Variants in FAM217A observed in about 807,000 individuals in gnomAD.
FAM217A encodes the protein protein FAM217A.
In FAM217A, 13 loss-of-function variants were observed where a neutral mutation model predicts 18.5. That is an observed-to-expected ratio of 0.70 (90% CI 0.46 to 1.12). The LOEUF (loss-of-function observed/expected upper bound fraction) is 1.12, where lower values mean the gene tolerates loss of function less well. Ranked by LOEUF, FAM217A falls within the 50% of genes most tolerant of loss-of-function variation. FAM217A has a pLI of 0.00. For synonymous variants in FAM217A, 161 were observed against 202.8 expected (o/e 0.79, Z 1.75); for missense variants, 560 against 575.4 (o/e 0.97, Z 0.27).
intron 6 of FAM217A, among the ~76,000 whole-genome samples, chr6:4,072,644 C>T (rs185888163): frequency 6.6e-6 from 1 of 152,030 alleles, no homozygotes; most frequent in East Asian, 2.0e-4. Context: ...TGCCTGTAAA[C>T]CCAGTTACTC....
intron 4 of FAM217A, 25 bp downstream of exon 4, chr6:4,074,418 C>G: frequency 6.4e-7 from 1 of 1,563,100 alleles, no homozygotes; most frequent in East Asian, 2.2e-5. Context: ...TTATGAATAC[C>G]TTAAAACCAA....
At chr6:4,085,887 A>T (rs1436659431) in intron 1 of FAM217A, among the ~76,000 whole-genome samples, 21 of 151,200 alleles carry the variant, frequency 1.4e-4, no homozygotes, top group Non-Finnish European at 1.5e-5. Flanking sequence ...AGGCAAGAGG[A>T]TTGCTTGAGG....
chr6:4,073,248 G>A, intron 6 of FAM217A, 27 bp downstream of exon 6: 3 of 1,495,144 alleles, frequency 2.0e-6, no homozygotes, highest in Non-Finnish European at 2.7e-6. Flanking sequence ...AGTAATTTAG[G>A]GTGTTACAAA....
rs1769267851 is a variant in FAM217A at position 4,069,644 on chromosome 6, G to A, written c.579C>T (p.Ser193=). The change falls in exon 7 of 7, where the codon AGC becomes AGT. Residue 193 remains serine, a synonymous_variant. Transcript: ENST00000274673. ...CATCTGTGAAATTTTCTTCCACACTGCTGTTTCCATGTTTCAAATTCCAAT... is the reference window on the plus strand; with the variant it reads ...CATCTGTGAAATTTTCTTCCACACTACTGTTTCCATGTTTCAAATTCCAAT... ...APNWNLKHGN[S]SVEENFTDES... is the part of the protein sequence containing the mutation. 3.7e-6 allele frequency: 6 copies of A among 1,613,934 alleles called. No individual in the cohort carries two copies. In the South Asian group the frequency reaches 6.6e-5, roughly 18 times the overall value.
Position 4,069,242 on chromosome 6 carries a change from T to TG in FAM217A, c.980dup (p.Pro328ThrfsTer21), listed in dbSNP as rs779578340. On this transcript the variant is annotated frameshift_variant, in exon 7 of 7. Transcript: ENST00000274673. LOFTEE classifies it low-confidence loss of function (END_TRUNC). ...AAAGTTTTGGCTGTCTCACTTTTGG[T>TG]GTAGCTTTGGAGGAAGAGGGTCGTT... The TG allele has an allele frequency of 1.2e-6, 2 of 1,614,150 alleles. No individual in the cohort carries two copies. Among genetic ancestry groups the TG allele is most frequent in the African/African-American group, 2.7e-5 (2 of 75,044 alleles).
chr6:4,080,702 A>G (rs1770231187), upstream of FAM217A, among the ~76,000 whole-genome samples: 1 of 152,178 alleles, frequency 6.6e-6, no homozygotes, highest in African/African-American at 2.4e-5. Flanking sequence ...TCACCTTCCC[A>G]GCGCCCACTA....
At chr6:4,079,143 G>A (rs1770080415), upstream of FAM217A, 1 of 339,506 alleles carries the variant, frequency 2.9e-6, no homozygotes, top group East Asian at 4.6e-5. Flanking sequence ...CCACCGGCCG[G>A]GTCTCCCGGC....
chr6:4,078,847 C>A lies in FAM217A; in HGVS notation c.-35+5G>T, dbSNP rs1193013112. ...GATTCCCCGGGGCCGGGGCTCTCAACCCACCGCGCGAAGGCCCACGTGTCC... is the reference window on the plus strand; with the variant it reads ...GATTCCCCGGGGCCGGGGCTCTCAAACCACCGCGCGAAGGCCCACGTGTCC... On this transcript the variant is annotated splice_donor_5th_base_variant and intron_variant, in intron 1 of 6. Coordinates refer to ENST00000274673, the MANE Select transcript of FAM217A (RefSeq NM_173563.3). 1.1e-5 allele frequency: 5 copies of A among 464,746 alleles called. No homozygotes were observed. The highest frequency in any genetic ancestry group is 1.9e-5 in the Non-Finnish European group (5 of 260,392). The allele number at this position is 464,746 out of a possible 1,614,324, so 28.8% of individuals were successfully genotyped here. A position where few individuals can be genotyped will look rare whatever the true frequency, so the allele number is the denominator to read the frequency against.
At chr6:4,077,204 C>G in intron 2 of FAM217A, 151 bp downstream of exon 2, 1 of 640,548 alleles carries the variant, frequency 1.6e-6, no homozygotes, top group Admixed American at 2.8e-5. Context: ...TTTCCATTTG[C>G]TGTTCCAAAT....
At chr6:4,087,330 C>G (rs1052951129), upstream of FAM217A, 93 of 1,233,000 alleles carry the variant, frequency 7.5e-5, 1 homozygote, top group African/African-American at 1.3e-3. Flanking sequence ...GGCTGGTTTT[C>G]TCTGCTTTGA....
intron 1 of FAM217A, among the ~76,000 whole-genome samples, chr6:4,085,896 G>A (rs1304245293): frequency 6.6e-6 from 1 of 152,080 alleles, no homozygotes; most frequent in Non-Finnish European, 1.5e-5. Flanking sequence ...GATTGCTTGA[G>A]GTCAGGAGTT....
upstream of FAM217A, among the ~76,000 whole-genome samples, chr6:4,082,141 G>T (rs79261675): frequency 4.7e-3 from 723 of 152,264 alleles, 6 homozygotes; most frequent in Admixed American, 8.7e-3. Context: ...CGGCTGTGGA[G>T]ATGTGAAATA....
At position 4,077,380 on chromosome 6, in the gene FAM217A, A is replaced by C. The variant is rs112866331; in HGVS notation, c.35T>G (p.Leu12Arg). The change falls in exon 2 of 7, where the codon CTA becomes CGA. Residue 12 changes from leucine to arginine, a missense_variant. Coordinates refer to ENST00000274673, the MANE Select transcript of FAM217A (RefSeq NM_173563.3). ...GRRNENCANSLRVSNISQENL... is the reference protein window; with the variant it reads ...GRRNENCANSRRVSNISQENL... ...CTCCTGAGAGATGTTTGACACACGT[A>C]GGCTGTTAGCACAGTTCTCATTTCT... 9 of 1,614,096 alleles carry C rather than the reference A, an allele frequency of 5.6e-6. No individual in the cohort carries two copies. Among genetic ancestry groups the C allele is most frequent in the Middle Eastern group, 1.6e-4 (1 of 6,084 alleles).
rs1480688046 is a variant in FAM217A, at chr6:4,073,150, C to T, written c.302+125G>A. On this transcript the variant is annotated intron_variant, in intron 6 of 6. Coordinates refer to ENST00000274673, the MANE Select transcript of FAM217A (RefSeq NM_173563.3). ...TTTAGGGTGGACTTCTACAATTGCCCACTATTCCCACAGAATACTATTTTC... is the reference window on the plus strand; with the variant it reads ...TTTAGGGTGGACTTCTACAATTGCCTACTATTCCCACAGAATACTATTTTC... 3 of 711,344 alleles carry T rather than the reference C, an allele frequency of 4.2e-6. No homozygotes were observed. The East Asian group carries it at 8.3e-5, about 20-fold the overall frequency. 44.1% of individuals were successfully genotyped at this position (711,344 alleles called of 1,614,324 possible).
upstream of FAM217A, chr6:4,079,236 G>A: frequency 4.9e-6 from 1 of 202,348 alleles, no homozygotes; most frequent in Non-Finnish European, 9.8e-6. Flanking sequence ...GGTCGCCGCC[G>A]GCCGCCCAGG....
At chr6:4,072,348 CA>C (rs1183890765) in intron 6 of FAM217A, among the ~76,000 whole-genome samples, 2 of 150,524 alleles carry the variant, frequency 1.3e-5, no homozygotes, top group Non-Finnish European at 1.5e-5. Context: ...CACACACACA[CA>C]AAAAAAGAAT....
intron 1 of FAM217A, among the ~76,000 whole-genome samples, chr6:4,086,212 C>T (rs1215734804): frequency 1.3e-5 from 2 of 151,732 alleles, no homozygotes; most frequent in East Asian, 3.9e-4. Context: ...TTTGGGAGGC[C>T]GAGGTGGGTG....
chr6:4,070,061 A>G, intron 6 of FAM217A, 141 bp from the exon 7 acceptor site: 1 of 577,276 alleles, frequency 1.7e-6, no homozygotes, highest in Non-Finnish European at 2.9e-6. Context: ...TACCTGCAAC[A>G]GAAATATGTT....
upstream of FAM217A, among the ~76,000 whole-genome samples, chr6:4,081,749 A>G (rs1448986943): frequency 6.6e-6 from 1 of 152,228 alleles, no homozygotes; most frequent in African/African-American, 2.4e-5. Flanking sequence ...GCTTTCTACA[A>G]ATGTATATCT....
Sources: gnomAD v4.1 joint callset for allele counts (sites outside exome capture counted in the v4.1 genomes callset) on GRCh38, gnomAD v4.1.1 for gene constraint, MANE v1.5 for transcripts, NCBI Gene and HGNC (gene_info 2026-07-23, HGNC 2026-07-21) for gene names.